The following TRHDE variants were observed in gnomAD, a reference collection of about 807,000 sequenced individuals.
TRHDE encodes the protein thyrotropin-releasing hormone-degrading ectoenzyme.
A neutral mutation model predicts 125.7 loss-of-function variants in TRHDE; 72 were observed. That is an observed-to-expected ratio of 0.57 (90% CI 0.47 to 0.70). The LOEUF (loss-of-function observed/expected upper bound fraction) is 0.70, where lower values mean the gene tolerates loss of function less well. Among genes scored for constraint, TRHDE ranks in the 30% least tolerant of loss-of-function variants. TRHDE has a pLI of 0.00. For synonymous variants in TRHDE, 509 were observed against 509.1 expected (o/e 1.00, Z 0.00); for missense variants, 1,110 against 1,327.1 (o/e 0.84, Z 2.54).
intron 2 of TRHDE, among the ~76,000 whole-genome samples, chr12:72,247,966 T>A (rs1878605165): frequency 6.6e-6 from 1 of 152,212 alleles, no homozygotes; most frequent in East Asian, 1.9e-4. Context: ...ATCTGTCATA[T>A]CTATCATTGA....
chr12:72,482,859 C>T (rs1877234993), intron 5 of TRHDE, among the ~76,000 whole-genome samples: 1 of 151,786 alleles, frequency 6.6e-6, no homozygotes, highest in East Asian at 1.9e-4. Flanking sequence ...TAATGAAAAA[C>T]TAAAAAAATC....
At chr12:72,181,514 T>C (rs897233177) in intron 2 of TRHDE, among the ~76,000 whole-genome samples, 1 of 152,206 alleles carries the variant, frequency 6.6e-6, no homozygotes, top group Non-Finnish European at 1.5e-5. Flanking sequence ...AACAATAATT[T>C]AAATTAAATA....
intron 2 of TRHDE, among the ~76,000 whole-genome samples, chr12:72,323,179 A>C (rs12369372): frequency 0.015 from 2,216 of 152,224 alleles, 25 homozygotes; most frequent in Non-Finnish European, 0.021. Flanking sequence ...GAAGGTAATA[A>C]TTTGGGAGAA....
intron 12 of TRHDE, among the ~76,000 whole-genome samples, chr12:72,612,632 A>G (rs933021429): frequency 6.6e-6 from 1 of 152,190 alleles, no homozygotes; most frequent in Non-Finnish European, 1.5e-5. Flanking sequence ...GATGCTTAGT[A>G]TAAGTATTCT....
At chr12:72,192,434 G>A (rs1417455702) in intron 2 of TRHDE, among the ~76,000 whole-genome samples, 2 of 151,922 alleles carry the variant, frequency 1.3e-5, no homozygotes, top group Non-Finnish European at 2.9e-5. Flanking sequence ...AAATTATTTG[G>A]ATACTGCATC....
chr12:72,638,100 G>A (rs1434075807), intron 15 of TRHDE, among the ~76,000 whole-genome samples: 1 of 147,160 alleles, frequency 6.8e-6, no homozygotes, highest in Non-Finnish European at 1.5e-5. Flanking sequence ...TGTTGACAGT[G>A]GGGTGTTAAA....
At chr12:72,428,909 A>G (rs951321035) in intron 3 of TRHDE, among the ~76,000 whole-genome samples, 6 of 152,104 alleles carry the variant, frequency 3.9e-5, no homozygotes, top group African/African-American at 1.4e-4. Context: ...AAGTTCATTC[A>G]TGTGCCACAT....
chr12:72,289,327 T>G (rs1305420172), intron 2 of TRHDE, among the ~76,000 whole-genome samples: 1 of 152,168 alleles, frequency 6.6e-6, no homozygotes, highest in Non-Finnish European at 1.5e-5. Context: ...TGTTATTATT[T>G]GCTGATCAAG....
At chr12:72,589,148 CTCTGGAGTGACAGAGGTTCACATA>C (rs1871565768) in intron 12 of TRHDE, among the ~76,000 whole-genome samples, 1 of 152,122 alleles carries the variant, frequency 6.6e-6, no homozygotes, top group South Asian at 2.1e-4. Context: ...CCCTGGTAGC[CTCTGGAGTGACAGAGGTTCACATA>C]TCATAGTTGA....
intron 3 of TRHDE, among the ~76,000 whole-genome samples, chr12:72,458,192 G>T (rs1875953204): frequency 6.6e-6 from 1 of 152,134 alleles, no homozygotes; most frequent in African/African-American, 2.4e-5. Context: ...TGGGAAACCT[G>T]CTGAAAACAA....
At chr12:72,356,736 A>T (rs1307375006) in intron 2 of TRHDE, among the ~76,000 whole-genome samples, 1 of 151,400 alleles carries the variant, frequency 6.6e-6, no homozygotes, top group Admixed American at 6.6e-5. Context: ...CTTGTGATGG[A>T]TTGGATTTGG....
chr12:72,387,895 T>A (rs2135787515), intron 3 of TRHDE, among the ~76,000 whole-genome samples: 1 of 152,236 alleles, frequency 6.6e-6, no homozygotes, highest in African/African-American at 2.4e-5. Context: ...GAACTGTGAG[T>A]TCATTAAACC....
chr12:72,300,488 G>A (rs550636885), intron 2 of TRHDE, among the ~76,000 whole-genome samples: 10 of 151,524 alleles, frequency 6.6e-5, no homozygotes, highest in African/African-American at 2.4e-4. Context: ...ACATATACAT[G>A]TGTGTATATA....
At chr12:72,609,443 TTTTC>T (rs368881239) in intron 12 of TRHDE, among the ~76,000 whole-genome samples, 93 of 152,280 alleles carry the variant, frequency 6.1e-4, no homozygotes, top group African/African-American at 1.8e-3. Context: ...TTTCCTGCTC[TTTTC>T]TTTCTTTATT....
At chr12:72,320,545 G>C (rs1288541765) in intron 2 of TRHDE, among the ~76,000 whole-genome samples, 6 of 119,182 alleles carry the variant, frequency 5.0e-5, no homozygotes, top group African/African-American at 2.0e-4. Flanking sequence ...AGGGTTGACT[G>C]TGTGTGTGTG....
At chr12:72,533,220 G>T (rs1868652187) in intron 6 of TRHDE, among the ~76,000 whole-genome samples, 1 of 151,888 alleles carries the variant, frequency 6.6e-6, no homozygotes, top group Admixed American at 6.6e-5. Flanking sequence ...TGTCACCCAG[G>T]CTGGAACGCA....
Position 72,448,630 on chromosome 12 carries a change from TC to T in TRHDE, c.1316-21127del, listed in dbSNP as rs560523564. On this transcript the variant is annotated intron_variant, in intron 3 of 18. Transcript: ENST00000261180. The stretch of plus-strand genomic sequence containing the variant: ...AAGTTGTGTCCGTTATGTATTATGT[TC>T]TGAATTGTGACATTAAGAATTACAA... Among the ~76,000 whole-genome samples, 19 of 152,116 alleles carry T rather than the reference TC, an allele frequency of 1.2e-4. 1 individual carries two copies. The South Asian group carries it at 3.7e-3, about 30-fold the overall frequency.
chr12:72,125,995 A>G (rs1363178248), intron 2 of TRHDE, among the ~76,000 whole-genome samples: 1 of 152,206 alleles, frequency 6.6e-6, no homozygotes, highest in Admixed American at 6.5e-5. Flanking sequence ...ATAAAACAAA[A>G]CAAAACAAAA....
chr12:72,591,712 G>A (rs1284122049), intron 12 of TRHDE, among the ~76,000 whole-genome samples: 1 of 135,858 alleles, frequency 7.4e-6, no homozygotes, highest in Non-Finnish European at 1.5e-5. Flanking sequence ...TTTATATGAA[G>A]ATTTCTTCAT....
Sources: allele counts gnomAD v4.1 joint callset (sites outside exome capture counted in the v4.1 genomes callset), GRCh38; gene constraint gnomAD v4.1.1; transcripts MANE v1.5; gene names NCBI Gene and HGNC (gene_info 2026-07-23, HGNC 2026-07-21).